Variants in TMEM245 observed in about 807,000 individuals in gnomAD.
TMEM245 encodes transmembrane protein 245.
A neutral mutation model predicts 101.2 loss-of-function variants in TMEM245; 69 were observed. That is an observed-to-expected ratio of 0.68 (90% CI 0.56 to 0.83). The LOEUF is 0.83. TMEM245 is among the 40% of genes least tolerant of loss of function. The pLI, the probability that TMEM245 is intolerant of heterozygous loss-of-function variation, is 0.00. For synonymous variants in TMEM245, 537 were observed against 449.8 expected (o/e 1.19, Z -2.45); for missense variants, 1,075 against 1,092.8 (o/e 0.98, Z 0.23).
At chr9:109,083,685 G>A (rs940466213) in intron 7 of TMEM245, among the ~76,000 whole-genome samples, 1 of 151,300 alleles carries the variant, frequency 6.6e-6, no homozygotes, top group African/African-American at 2.4e-5. Flanking sequence ...TCATTATTCT[G>A]GGCCTATATA....
chr9:109,049,656 A>G (rs559105694), intron 14 of TMEM245, among the ~76,000 whole-genome samples: 4 of 152,200 alleles, frequency 2.6e-5, no homozygotes, highest in Admixed American at 2.0e-4. Context: ...GTAAAACCTC[A>G]TCTCTACTAA....
intron 14 of TMEM245, among the ~76,000 whole-genome samples, chr9:109,048,302 T>C (rs977146886): frequency 1.6e-4 from 25 of 152,122 alleles, no homozygotes; most frequent in Non-Finnish European, 2.9e-4. Flanking sequence ...TCTACAGACA[T>C]TGTATTTTAG....
chr9:109,100,578 C>T (rs909439664), intron 3 of TMEM245, among the ~76,000 whole-genome samples: 3 of 152,120 alleles, frequency 2.0e-5, no homozygotes, highest in Admixed American at 1.3e-4. Flanking sequence ...TAGTCTTGAA[C>T]TCCTGGGCTC....
intron 17 of TMEM245, among the ~76,000 whole-genome samples, chr9:109,029,019 A>G (rs1004444650): frequency 6.6e-6 from 1 of 152,230 alleles, no homozygotes; most frequent in Admixed American, 6.5e-5. Context: ...CATGTCATAC[A>G]AAATATAAAC....
Position 109,119,709 on chromosome 9 carries a change from C to T in TMEM245, c.205G>A (p.Ala69Thr), listed in dbSNP as rs1265617639. The T allele has an allele frequency of 5.8e-6, 9 of 1,548,302 alleles. No individual in the cohort carries two copies. The highest frequency in any genetic ancestry group is 6.9e-6 in the Non-Finnish European group (8 of 1,151,374). Reference sequence around the variant, plus strand: ...AGGATGAAGTAGACCAGCACCGCGGCGCCGCAGCACAGGCACACGAACAGC... The same window carrying T: ...AGGATGAAGTAGACCAGCACCGCGGTGCCGCAGCACAGGCACACGAACAGC... The part of the protein sequence containing the change: ...AVLFVCLCCG[A>T]AVLVYFILEA... The change falls in exon 1 of 18, where the codon GCC becomes ACC. Residue 69 changes from alanine (A) to threonine (T), a missense_variant. Physicochemically the swap from Ala to Thr is moderately conservative, Grantham distance 58 (BLOSUM62 0). Around this residue, in one of 2 missense-constraint regions of TMEM245, gnomAD observed 808 missense variants for 741.5 expected, o/e 1.09. Coordinates refer to ENST00000374586, the MANE Select transcript of TMEM245 (RefSeq NM_032012.4).
rs969032781 is a variant in TMEM245, at chr9:109,060,363, C to A, written c.1713G>T (p.Trp571Cys). 6.2e-7 allele frequency: 1 copy of A among 1,611,462 alleles called. No individual in the cohort carries two copies. The highest frequency in any genetic ancestry group is 1.1e-5 in the South Asian group (1 of 90,546). Residue 571 changes from tryptophan to cysteine, a missense_variant, in exon 11 of 18, where the codon TGG (tryptophan) becomes TGT (cysteine). By Grantham distance (215) the Trp-to-Cys change is radical. Coordinates refer to ENST00000374586, the MANE Select transcript of TMEM245 (RefSeq NM_032012.4). The stretch of plus-strand genomic sequence containing the variant: ...AGCTAAAATAACTTACCTTTACAAA[C>A]CAAGAGTGATACAGTCTGTCCCAAA... ...LELWDRLYHS[W>C]FVKNVTHSGR... is the part of the protein sequence containing the mutation.
Position 109,022,537 on chromosome 9 carries a change from T to C in TMEM245, c.2595-2032A>G, listed in dbSNP as rs188204943. 1.2e-4 allele frequency among the ~76,000 whole-genome samples: 19 copies of C among 152,086 alleles called. No homozygotes were observed. In the East Asian group the frequency reaches 3.7e-3, roughly 29 times the overall value. On this transcript the variant is annotated intron_variant, in intron 17 of 17. Coordinates refer to ENST00000374586, the MANE Select transcript of TMEM245 (RefSeq NM_032012.4). Reference sequence around the variant, plus strand: ...ATCAGTGTTTCTCAATCTTGAAATTTTTCTGCATTATAAGATGTTTTGCAG... The same window carrying C: ...ATCAGTGTTTCTCAATCTTGAAATTCTTCTGCATTATAAGATGTTTTGCAG...
At position 109,087,172 on chromosome 9, in the gene TMEM245, C is replaced by G; in HGVS notation, c.1320+1G>C. On this transcript the variant is annotated splice_donor_variant, in intron 6 of 17. Coordinates refer to ENST00000374586, the MANE Select transcript of TMEM245 (RefSeq NM_032012.4). LOFTEE classifies it high-confidence loss of function. ...CAGCCCAAGTCCTTAAAATACAATA[C>G]CTTGCTATCAACTTTTAACAAGAAT... 6.2e-7 allele frequency: 1 copy of G among 1,604,430 alleles called. No homozygotes were observed. The highest frequency in any genetic ancestry group is 8.5e-7 in the Non-Finnish European group (1 of 1,177,402).
At chr9:109,057,466 G>C in intron 11 of TMEM245, 144 bp from the exon 12 acceptor site, 1 of 974,474 alleles carries the variant, frequency 1.0e-6, no homozygotes, top group Non-Finnish European at 1.4e-6. Context: ...TAAGAAATCA[G>C]CTAAGGCCGG....
intron 7 of TMEM245, among the ~76,000 whole-genome samples, chr9:109,082,064 A>T (rs1042633675): frequency 6.6e-6 from 1 of 152,216 alleles, no homozygotes; most frequent in Non-Finnish European, 1.5e-5. Flanking sequence ...CTTAATTTAG[A>T]TCTGATTTAT....
chr9:109,060,651 A>G (rs902767010), intron 10 of TMEM245, among the ~76,000 whole-genome samples, 199 bp from the exon 11 acceptor site: 1 of 151,928 alleles, frequency 6.6e-6, no homozygotes, highest in African/African-American at 2.4e-5. Context: ...TTTTGCTTCT[A>G]TTTTCTTTGC....
intron 14 of TMEM245, 144 bp downstream of exon 14, chr9:109,050,139 C>A: frequency 1.0e-6 from 1 of 963,830 alleles, no homozygotes; most frequent in Non-Finnish European, 1.5e-6. Flanking sequence ...TTTATCCTGT[C>A]AAAATGAGAT....
chr9:109,093,839 T>C (rs1483980174), intron 3 of TMEM245, among the ~76,000 whole-genome samples: 2 of 152,344 alleles, frequency 1.3e-5, no homozygotes, highest in African/African-American at 2.4e-5. Context: ...TGGCAGACAC[T>C]ACACATGTAA....
chr9:109,087,629 T>C (rs1829880654), intron 5 of TMEM245, among the ~76,000 whole-genome samples: 1 of 152,076 alleles, frequency 6.6e-6, no homozygotes, highest in Non-Finnish European at 1.5e-5. Flanking sequence ...CAAAAGATAA[T>C]CTCATCGTGA....
intron 7 of TMEM245, 86 bp from the exon 8 acceptor site, chr9:109,081,029 G>A: frequency 2.2e-6 from 2 of 895,652 alleles, no homozygotes; most frequent in Non-Finnish European, 3.5e-6. Context: ...AGACAAAACA[G>A]GATCTCCAGC....
chr9:109,040,951 T>C (rs965171567), intron 14 of TMEM245, among the ~76,000 whole-genome samples: 1 of 152,206 alleles, frequency 6.6e-6, no homozygotes, highest in East Asian at 1.9e-4. Context: ...CGTCTGTAAA[T>C]ACCTAGGAGT....
intron 5 of TMEM245, among the ~76,000 whole-genome samples, chr9:109,090,255 C>T (rs1018538845): frequency 4.6e-5 from 7 of 150,896 alleles, no homozygotes; most frequent in Admixed American, 1.3e-4. Context: ...AGCGAGACTC[C>T]GTCTCAAAAA....
intron 1 of TMEM245, among the ~76,000 whole-genome samples, chr9:109,111,599 A>C (rs924460355): frequency 1.1e-4 from 16 of 152,198 alleles, no homozygotes; most frequent in Non-Finnish European, 2.2e-4. Context: ...TACTTTTAGG[A>C]GTGTTTTACA....
chr9:109,118,036 T>C (rs1830776256), intron 1 of TMEM245, among the ~76,000 whole-genome samples: 1 of 152,264 alleles, frequency 6.6e-6, no homozygotes, highest in Non-Finnish European at 1.5e-5. Flanking sequence ...TCTGGGCCTG[T>C]GGCCCACAAC....
Sources: gnomAD v4.1 joint callset for allele counts (sites outside exome capture counted in the v4.1 genomes callset) on GRCh38, gnomAD v4.1.1 for gene constraint, gnomAD v4.1.1 regional missense constraint, MANE v1.5 for transcripts, NCBI Gene and HGNC (gene_info 2026-07-23, HGNC 2026-07-21) for gene names.